Variants in CPS1 observed in about 807,000 individuals in gnomAD.
The protein encoded by CPS1 is carbamoyl-phosphate synthase 1.
CPS1 carries 109 observed loss-of-function variants against 174.6 expected under a neutral mutation model. That is an observed-to-expected ratio of 0.62 (90% confidence interval 0.53 to 0.73). The LOEUF (loss-of-function observed/expected upper bound fraction) is 0.73. CPS1 is among the 30% of genes least tolerant of loss of function. The pLI is 0.00. For missense variants in CPS1, 1,689 were observed against 1,821.9 expected, an observed-to-expected ratio of 0.93 and a Z score of 1.33; for synonymous variants, 637 against 632.0, an observed-to-expected ratio of 1.01 and a Z score of -0.12.
At chr2:210,672,196 T>TA (rs1701329890) in intron 34 of CPS1, 1 of 152,174 alleles carries the variant, frequency 6.6e-6, no homozygotes, top group Non-Finnish European at 1.5e-5. Context: ...AGAACCACTC[T>TA]ACTTGAGCGA....
At chr2:210,616,376 T>G in intron 20 of CPS1, 47 bp from the exon 21 acceptor site, 1 of 1,316,782 alleles carries the variant, frequency 7.6e-7, no homozygotes, top group Non-Finnish European at 1.1e-6. Flanking sequence ...AAATAAGACA[T>G]TTAGAAAAAT....
chr2:210,623,293 C>A (rs1699590240), intron 21 of CPS1, among the ~76,000 whole-genome samples: 3 of 152,062 alleles, frequency 2.0e-5, no homozygotes, highest in Non-Finnish European at 2.9e-5. Flanking sequence ...CATTGTGATA[C>A]AATTTATACC....
At chr2:210,487,665 G>C (rs1396492420) in intron 1 of CPS1, among the ~76,000 whole-genome samples, 4 of 152,022 alleles carry the variant, frequency 2.6e-5, no homozygotes, top group African/African-American at 9.7e-5. Context: ...GATTATTTTA[G>C]GAGTTGTTTA....
At chr2:210,602,002 A>G (rs1698743265) in intron 15 of CPS1, among the ~76,000 whole-genome samples, 200 bp from the exon 16 acceptor site, 1 of 151,944 alleles carries the variant, frequency 6.6e-6, no homozygotes, top group Admixed American at 6.6e-5. Flanking sequence ...ATATATATAT[A>G]TATCCTCCCT....
At chr2:210,632,228 T>C (rs578063862) in intron 21 of CPS1, among the ~76,000 whole-genome samples, 1 of 152,350 alleles carries the variant, frequency 6.6e-6, no homozygotes, top group South Asian at 2.1e-4. Flanking sequence ...GAAATTGGTT[T>C]TGGCAAACAA....
intron 27 of CPS1, among the ~76,000 whole-genome samples, chr2:210,649,540 A>C (rs1481270498): frequency 1.3e-5 from 2 of 152,192 alleles, no homozygotes; most frequent in Non-Finnish European, 2.9e-5. Flanking sequence ...AACTTGATTG[A>C]CTTTCTATAA....
chr2:210,524,530 A>G (rs987741559), intron 1 of CPS1, among the ~76,000 whole-genome samples: 2 of 151,896 alleles, frequency 1.3e-5, no homozygotes, highest in African/African-American at 4.8e-5. Context: ...TCCCAAATGT[A>G]TTTATCTGTT....
chr2:210,538,397 A>T (rs1696314739), intron 1 of CPS1, among the ~76,000 whole-genome samples: 1 of 152,112 alleles, frequency 6.6e-6, no homozygotes, highest in South Asian at 2.1e-4. Flanking sequence ...GGTTCAGTTG[A>T]TCTTTAAGAG....
chr2:210,598,821 C>T (rs1453327976), intron 13 of CPS1, among the ~76,000 whole-genome samples: 1 of 151,778 alleles, frequency 6.6e-6, no homozygotes, highest in Non-Finnish European at 1.5e-5. Flanking sequence ...AGAAATTTAA[C>T]AAAGATATTC....
chr2:210,526,739 G>C (rs766801120), intron 1 of CPS1, among the ~76,000 whole-genome samples: 3 of 151,964 alleles, frequency 2.0e-5, no homozygotes, highest in Non-Finnish European at 2.9e-5. Context: ...ACTGAAGAGA[G>C]AGAATGAAGC....
upstream of CPS1, chr2:210,555,569 C>G: frequency 4.4e-6 from 2 of 451,122 alleles, no homozygotes; most frequent in Non-Finnish European, 8.9e-6. Flanking sequence ...AATCCTTACC[C>G]CAACTCTAGC....
chr2:210,522,815 G>A (rs367604495), intron 1 of CPS1, among the ~76,000 whole-genome samples: 1 of 151,918 alleles, frequency 6.6e-6, no homozygotes, highest in African/African-American at 2.4e-5. Flanking sequence ...TGATAAATCC[G>A]TGATTTGGTC....
At chr2:210,508,934 T>C (rs375160178) in intron 1 of CPS1, among the ~76,000 whole-genome samples, 10 of 152,126 alleles carry the variant, frequency 6.6e-5, no homozygotes, top group Non-Finnish European at 1.5e-4. Context: ...GATTCACAGC[T>C]GAATTCTACC....
At chr2:210,591,084 A>G (rs1312941747) in intron 9 of CPS1, among the ~76,000 whole-genome samples, 178 bp downstream of exon 9, 1 of 151,556 alleles carries the variant, frequency 6.6e-6, no homozygotes, top group East Asian at 1.9e-4. Context: ...TAAAAAATAA[A>G]ATAAATAACC....
intron 13 of CPS1, among the ~76,000 whole-genome samples, chr2:210,598,454 C>T (rs1698576467): frequency 6.6e-6 from 1 of 151,806 alleles, no homozygotes; most frequent in African/African-American, 2.4e-5. Flanking sequence ...GGTATGCTGT[C>T]TTCAAGATAC....
chr2:210,485,086 C>T (rs1365408650), intron 1 of CPS1, among the ~76,000 whole-genome samples: 1 of 151,898 alleles, frequency 6.6e-6, no homozygotes, highest in African/African-American at 2.4e-5. Context: ...AAAAAATTAG[C>T]CGGGCATGGT....
chr2:210,486,801 C>T (rs748280092), intron 1 of CPS1, among the ~76,000 whole-genome samples: 19 of 152,160 alleles, frequency 1.2e-4, no homozygotes, highest in Non-Finnish European at 2.1e-4. Context: ...TGAGCCACTG[C>T]GCCCAGCTAG....
intron 1 of CPS1, among the ~76,000 whole-genome samples, chr2:210,505,612 A>G (rs1191588085): frequency 6.6e-6 from 1 of 152,114 alleles, no homozygotes; most frequent in Admixed American, 6.5e-5. Flanking sequence ...CGGGAAGCAC[A>G]AGGGGTCAGG....
At chr2:210,548,450 T>C (rs1696620798) in intron 1 of CPS1, among the ~76,000 whole-genome samples, 1 of 152,040 alleles carries the variant, frequency 6.6e-6, no homozygotes, top group Non-Finnish European at 1.5e-5. Context: ...TTTCTTACTA[T>C]CAACTGAGAA....
Sources: gnomAD v4.1 joint callset for allele counts (sites outside exome capture counted in the v4.1 genomes callset) on GRCh38, gnomAD v4.1.1 for gene constraint, MANE v1.5 for transcripts, NCBI Gene and HGNC (gene_info 2026-07-23, HGNC 2026-07-21) for gene names.